ALS2CL: variants seen among roughly 807,000 people sequenced by gnomAD.
ALS2CL encodes the protein ALS2 C-terminal-like protein.
ALS2CL carries 112 observed loss-of-function variants against 127.9 expected under a neutral mutation model. The observed-to-expected ratio is 0.88, with a 90% CI of 0.75 to 1.02. The LOEUF (loss-of-function observed/expected upper bound fraction) is 1.02. ALS2CL is among the 50% of genes least tolerant of loss of function. The pLI is 0.00. For missense variants in ALS2CL, 1,174 were observed against 1,236.7 expected (o/e 0.95, Z 0.76); for synonymous variants, 519 against 527.6 (o/e 0.98, Z 0.22).
At chr3:46,685,706 C>T in intron 6 of ALS2CL, 62 bp from the exon 7 acceptor site, 2 of 1,557,056 alleles carry the variant, frequency 1.3e-6, no homozygotes, top group Non-Finnish European at 1.7e-6. Context: ...CTGCCTGCCA[C>T]TCTGCCACCT....
At position 46,670,994 on chromosome 3, in the gene ALS2CL, T is replaced by G. The variant is rs1317391854; in HGVS notation, c.2852A>C (p.Glu951Ala). The change falls in exon 26 of 26, where the codon GAG becomes GCG. Residue 951 changes from glutamate to alanine, a missense_variant. Glu to Ala is a moderately radical substitution (Grantham distance 107, BLOSUM62 -1). Transcript: ENST00000318962. The surrounding 1 kb of genome is among the most constrained non-coding windows in gnomAD (Gnocchi z 5.5). ...HRLPGHWHSR[E>A]LW ...CCAGGAAAGGCCAGGCTACCAGAGC[T>G]CCCTGGAGTGCCAGTGGCCAGGTAA... 1.2e-6 allele frequency: 2 copies of G among 1,614,052 alleles called. No individual in the cohort carries two copies. The highest frequency in any genetic ancestry group is 1.7e-5 in the Admixed American group (1 of 60,028).
At chr3:46,675,802 C>T (rs1316805317) in intron 19 of ALS2CL, 116 bp from the exon 20 acceptor site, 11 of 1,548,700 alleles carry the variant, frequency 7.1e-6, no homozygotes, top group Non-Finnish European at 8.7e-6. Context: ...ACATGGCCTG[C>T]AGGGTTCATC....
At position 46,670,817 on chromosome 3, in the gene ALS2CL, C is replaced by T; in HGVS notation, c.*167G>A. On this transcript the variant is annotated 3_prime_UTR_variant, in exon 26 of 26. Coordinates refer to ENST00000318962, the MANE Select transcript of ALS2CL (RefSeq NM_147129.5). This position sits in a 1 kb window ranked among gnomAD's most constrained non-coding sequence, Gnocchi z 5.5. ...ATCCAGGGCCACACCCGTCACCCCT[C>T]ACCCTCATCCCAGTCAGGGCAGCAG... The T allele has an allele frequency of 1.5e-6, 1 of 684,952 alleles. No homozygotes were observed. Among genetic ancestry groups the T allele is most frequent in the South Asian group, 1.7e-5 (1 of 57,828 alleles). The allele number at this position is 684,952 out of a possible 1,614,324, so 42.4% of individuals were successfully genotyped here.
rs1418042088 is a variant in ALS2CL at position 46,681,119 on chromosome 3, AG to A, written c.1436+126del. On this transcript the variant is annotated intron_variant, in intron 13 of 25. Coordinates refer to ENST00000318962, the MANE Select transcript of ALS2CL (RefSeq NM_147129.5). This position sits in a 1 kb window ranked among gnomAD's most constrained non-coding sequence, Gnocchi z 4.9. ...GCCTCCGCAGCAACCGAGGGACTGG[AG>A]GGGAAGTGAGGGGCTTAAGAGAGAC... 1.4e-6 allele frequency: 2 copies of A among 1,431,648 alleles called. No individual in the cohort carries two copies. The highest frequency in any genetic ancestry group is 4.6e-5 in the East Asian group (2 of 43,782). The allele number at this position is 1,431,648 out of a possible 1,614,324, so 88.7% of individuals were successfully genotyped here.
chr3:46,678,361 G>C lies in ALS2CL; in HGVS notation c.1655C>G (p.Thr552Ser). ...KGKVTFPNGFTLEGSFGSGAG... is the reference protein window; with the variant it reads ...KGKVTFPNGFSLEGSFGSGAG... The stretch of plus-strand genomic sequence containing the variant: ...CCCACTGCCGAACGAGCCCTCCAGG[G>C]TGAAGCCATTGGGGAAGGTGACCTT... Residue 552 changes from threonine to serine, a missense_variant, in exon 16 of 26, where the codon ACC becomes AGC. By Grantham distance (58) the Thr-to-Ser change is moderately conservative. Transcript: ENST00000318962. 6.2e-7 allele frequency: 1 copy of C among 1,612,984 alleles called. No individual in the cohort carries two copies.
Position 46,683,790 on chromosome 3 carries a change from G to A in ALS2CL, c.904C>T (p.Gln302Ter). 6.2e-7 allele frequency: 1 copy of A among 1,614,068 alleles called. No individual in the cohort carries two copies. Among genetic ancestry groups the A allele is most frequent in the Non-Finnish European group, 8.5e-7 (1 of 1,179,998 alleles). The change falls in exon 9 of 26, where the codon CAG (glutamine) becomes TAG (stop). Residue 302 changes from glutamine to a stop codon, truncating the protein, a stop_gained. Coordinates refer to ENST00000318962, the MANE Select transcript of ALS2CL (RefSeq NM_147129.5). LOFTEE classifies it high-confidence loss of function. ...AGCTCACCCACACTCACCTGGCCCT[G>A]GGAGTCCTTGGCACAAAAGGAGAAC... ...EEFSFCAKDS[Q>*]GQAVWQWKVT... is the part of the protein sequence containing the mutation.
intron 4 of ALS2CL, 144 bp downstream of exon 4, chr3:46,687,475 A>T: frequency 1.1e-6 from 1 of 932,076 alleles, no homozygotes; most frequent in Non-Finnish European, 1.6e-6. Flanking sequence ...AGTGTGGATC[A>T]GTGCAGATTT....
At chr3:46,675,521 T>C in intron 20 of ALS2CL, 97 bp downstream of exon 20, 1 of 1,182,654 alleles carries the variant, frequency 8.5e-7, no homozygotes, top group Non-Finnish European at 1.2e-6. Flanking sequence ...GCCCAGCACT[T>C]CCCCAGAAGC....
intron 18 of ALS2CL, 77 bp from the exon 19 acceptor site, chr3:46,676,479 A>C: frequency 6.3e-7 from 1 of 1,591,358 alleles, no homozygotes; most frequent in South Asian, 1.1e-5. Context: ...CAGCCTCCCA[A>C]CACTTCTCCC....
At chr3:46,691,722 C>CTTTT (rs1029410954) in intron 1 of ALS2CL, among the ~76,000 whole-genome samples, 1 of 134,696 alleles carries the variant, frequency 7.4e-6, no homozygotes, top group African/African-American at 2.7e-5. Flanking sequence ...TCTTTCTATT[C>CTTTT]TTTTTTTTTT....
intron 19 of ALS2CL, 163 bp from the exon 20 acceptor site, chr3:46,675,849 G>A: frequency 6.8e-7 from 1 of 1,462,112 alleles, no homozygotes; most frequent in Non-Finnish European, 9.0e-7. Flanking sequence ...TGGAGCTCCA[G>A]GATGTTAGCC....
intron 2 of ALS2CL, among the ~76,000 whole-genome samples, chr3:46,688,537 T>C (rs1699954813): frequency 6.6e-6 from 1 of 152,046 alleles, no homozygotes; most frequent in Non-Finnish European, 1.5e-5. Flanking sequence ...ACACACCCAC[T>C]CCTCACTAAA....
rs775535210 is a variant in ALS2CL, at chr3:46,689,343, G to A, written c.98C>T (p.Pro33Leu). Reference sequence around the variant, plus strand: ...ACTAGAAAGCCTAGACTCACCGGCTGGGAGCAGGGGCTGGAGGACAAGGCT... The same window carrying A: ...ACTAGAAAGCCTAGACTCACCGGCTAGGAGCAGGGGCTGGAGGACAAGGCT... ...VNSLVLQPLL[P>L]AAPDPSDPWG... is the part of the protein sequence containing the mutation. The change falls in exon 2 of 26, where the codon CCA becomes CTA. Residue 33 changes from proline to leucine, a missense_variant. Pro to Leu is a moderately conservative substitution (Grantham distance 98). Transcript: ENST00000318962. 1.2e-6 allele frequency: 2 copies of A among 1,612,826 alleles called. No individual in the cohort carries two copies. The highest frequency in any genetic ancestry group is 1.1e-5 in the South Asian group (1 of 90,894).
At chr3:46,672,721 G>A (rs1698500670) in intron 22 of ALS2CL, among the ~76,000 whole-genome samples, 2 of 152,220 alleles carry the variant, frequency 1.3e-5, no homozygotes, top group Non-Finnish European at 2.9e-5. Context: ...CTGGCCAAGC[G>A]CAGTGGCTCA....
At chr3:46,692,650 A>G (rs947009458) in intron 1 of ALS2CL, among the ~76,000 whole-genome samples, 64 of 152,324 alleles carry the variant, frequency 4.2e-4, no homozygotes, top group African/African-American at 1.4e-3. Context: ...CCTGCCTCAC[A>G]GCTGTCCTCA....
At position 46,681,077 on chromosome 3, in the gene ALS2CL, A is replaced by C. The variant is rs1449336042; in HGVS notation, c.1436+169T>G. The C allele has an allele frequency of 9.0e-7, 1 of 1,117,236 alleles. No homozygotes were observed. The highest frequency in any genetic ancestry group is 1.5e-5 in the African/African-American group (1 of 65,308). 69.2% of individuals were successfully genotyped at this position (1,117,236 alleles called of 1,614,324 possible). On this transcript the variant is annotated intron_variant, in intron 13 of 25. Coordinates refer to ENST00000318962, the MANE Select transcript of ALS2CL (RefSeq NM_147129.5). This position sits in a 1 kb window ranked among gnomAD's most constrained non-coding sequence, Gnocchi z 4.9. Reference sequence around the variant, plus strand: ...GGCGACCCTGCAGTCAGCGTGACCAAGATTCGCTCAGCCTGAGCCTCCGCA... The same window carrying C: ...GGCGACCCTGCAGTCAGCGTGACCACGATTCGCTCAGCCTGAGCCTCCGCA...
Position 46,683,171 on chromosome 3 carries a change from G to T in ALS2CL, c.1068C>A (p.Ala356=), listed in dbSNP as rs1285898706. 1 of 1,603,580 alleles carries T rather than the reference G, an allele frequency of 6.2e-7. No homozygotes were observed. Among genetic ancestry groups the T allele is most frequent in the Non-Finnish European group, 8.5e-7 (1 of 1,174,716 alleles). The change falls in exon 10 of 26, where the codon GCC becomes GCA. Residue 356 remains alanine (A), a synonymous_variant. Coordinates refer to ENST00000318962, the MANE Select transcript of ALS2CL (RefSeq NM_147129.5). ...TFQAEGRLCQ[A]TYEGEWCRGR... ...CCCTGCACCACTCGCCCTCGTAGGT[G>T]GCCTGGCAGAGCCGGCCCTCTGCCT... is the stretch of plus-strand genomic sequence containing the variant.
At chr3:46,672,119 C>G (rs1429925605) in intron 23 of ALS2CL, 21 bp downstream of exon 23, 1 of 1,614,204 alleles carries the variant, frequency 6.2e-7, no homozygotes, top group Non-Finnish European at 8.5e-7. Flanking sequence ...GGACCCCCAA[C>G]CCACTACGGC....
chr3:46,680,646 G>A (rs1449944095), intron 13 of ALS2CL, 105 bp from the exon 14 acceptor site: 5 of 909,562 alleles, frequency 5.5e-6, no homozygotes, highest in Non-Finnish European at 8.6e-6. Flanking sequence ...AAGGGGCAGT[G>A]ACATCACCTG....
Sources: allele counts gnomAD v4.1 joint callset (sites outside exome capture counted in the v4.1 genomes callset), GRCh38; gene constraint gnomAD v4.1.1; non-coding constraint Gnocchi (gnomAD v3.1); transcripts MANE v1.5; gene names NCBI Gene and HGNC (gene_info 2026-07-23, HGNC 2026-07-21).